DLGAP1: variants seen among roughly 807,000 people sequenced by gnomAD.
The protein encoded by DLGAP1 is disks large-associated protein 1.
DLGAP1 carries 11 observed loss-of-function variants against 90.8 expected under a neutral mutation model. The ratio of observed to expected loss-of-function variants is 0.12; its 90% confidence interval spans 0.08 to 0.20. The LOEUF (loss-of-function observed/expected upper bound fraction) is 0.20, where lower values mean the gene tolerates loss of function less well. Ranked by LOEUF, DLGAP1 falls within the 10% of genes least tolerant of loss-of-function variation. DLGAP1 has a pLI of 1.00. For synonymous variants in DLGAP1, 558 were observed against 540.7 expected, an observed-to-expected ratio of 1.03 and a Z score of -0.44; for missense variants, 1,050 against 1,333.8, an observed-to-expected ratio of 0.79 and a Z score of 3.31.
At chr18:4,058,766 C>A (rs942153485) in intron 2 of DLGAP1, among the ~76,000 whole-genome samples, 1 of 152,180 alleles carries the variant, frequency 6.6e-6, no homozygotes, top group Non-Finnish European at 1.5e-5. Flanking sequence ...TTTCAATATG[C>A]CTTGAGACCT....
chr18:3,604,651 G>C (rs951334349), intron 7 of DLGAP1, among the ~76,000 whole-genome samples: 3 of 152,030 alleles, frequency 2.0e-5, no homozygotes, highest in Non-Finnish European at 4.4e-5. Context: ...AATCCCTGTG[G>C]AGTCATTCCA....
intron 2 of DLGAP1, among the ~76,000 whole-genome samples, chr18:4,078,560 C>T (rs12967692): frequency 0.59 from 89,045 of 151,978 alleles, 26,845 homozygotes; most frequent in Non-Finnish European, 0.66. Context: ...ACACATCAGA[C>T]AAAATTAAAT....
intron 1 of DLGAP1, among the ~76,000 whole-genome samples, chr18:4,218,024 T>G (rs1419838188): frequency 1.3e-5 from 2 of 152,060 alleles, no homozygotes; most frequent in Non-Finnish European, 2.9e-5. Flanking sequence ...TTATGTTATC[T>G]TCTAGAAGTT....
In DLGAP1 at chr18:3,976,220, ACG is replaced by A. The variant is rs1376585956; in HGVS notation, c.-73+28894_-73+28895del. Among the ~76,000 whole-genome samples, 346 of 71,474 alleles carry A rather than the reference ACG, an allele frequency of 4.8e-3. 3 individuals are homozygous for A. Among genetic ancestry groups the A allele is most frequent in the Middle Eastern group, 0.016 (2 of 128 alleles). The allele number at this position is 71,474 out of a possible 152,430, so 46.9% of individuals were successfully genotyped here. A position where few individuals can be genotyped will look rare whatever the true frequency, so the allele number is the denominator to read the frequency against. ...AATAATAATAATAATAATAATAATA[ACG>A]ATAATTAGCCAGGTGTGGTGGTGCA... is the stretch of plus-strand genomic sequence containing the variant. On this transcript the variant is annotated intron_variant, in intron 3 of 12. Coordinates refer to ENST00000315677, the MANE Select transcript of DLGAP1 (RefSeq NM_004746.4).
chr18:3,694,039 C>CT (rs201011100), intron 7 of DLGAP1, among the ~76,000 whole-genome samples: 19,060 of 147,644 alleles, frequency 0.13, 1,321 homozygotes, highest in Non-Finnish European at 0.15. Flanking sequence ...TAGCCACCCC[C>CT]CCCTCAGCCC....
At chr18:4,149,069 C>G (rs114828238) in intron 2 of DLGAP1, among the ~76,000 whole-genome samples, 1 of 152,066 alleles carries the variant, frequency 6.6e-6, no homozygotes, top group Non-Finnish European at 1.5e-5. Flanking sequence ...ATAGGAAAGA[C>G]AAAAATTAAA....
intron 1 of DLGAP1, among the ~76,000 whole-genome samples, chr18:4,238,079 A>G (rs1272016868): frequency 6.6e-6 from 1 of 152,142 alleles, no homozygotes; most frequent in Non-Finnish European, 1.5e-5. Context: ...TTGGTGCCCA[A>G]AATGTTTTGG....
In DLGAP1 at chr18:3,623,441, G is replaced by A. The variant is rs1018788137; in HGVS notation, c.1592-41193C>T. Among the ~76,000 whole-genome samples the A allele has an allele frequency of 5.3e-5, 8 of 152,258 alleles. No homozygotes were observed. In the East Asian group the frequency reaches 9.6e-4, roughly 18 times the overall value. On this transcript the variant is annotated intron_variant, in intron 7 of 12. Transcript: ENST00000315677. ...TTCACCTACACAAGGGATTCAGTCC[G>A]TCTTAGGTTCTGCTAATGACAACTC...
intron 4 of DLGAP1, among the ~76,000 whole-genome samples, chr18:3,873,923 A>G (rs2070904729): frequency 6.6e-6 from 1 of 152,200 alleles, no homozygotes; most frequent in Non-Finnish European, 1.5e-5. Context: ...TCAATTAAAG[A>G]TTTTATAAAG....
intron 9 of DLGAP1, among the ~76,000 whole-genome samples, chr18:3,535,311 A>C (rs2052292017): frequency 1.3e-5 from 2 of 152,210 alleles, no homozygotes; most frequent in South Asian, 4.1e-4. Context: ...TGAAGTGTCC[A>C]ACTTCCTCCC....
rs112943609 is a variant in DLGAP1 at position 4,179,578 on chromosome 18, A to T, written c.-266-28291T>A. The stretch of plus-strand genomic sequence containing the variant: ...TTCTATGAGATGAGGAAACTGAGAC[A>T]CAGAGTAACTTATTCAAGGTCACAC... On this transcript the variant is annotated intron_variant, in intron 1 of 12. Coordinates refer to ENST00000315677, the MANE Select transcript of DLGAP1 (RefSeq NM_004746.4). Among the ~76,000 whole-genome samples the T allele has an allele frequency of 3.3e-3, 510 of 152,316 alleles. 2 individuals carry two copies. Among genetic ancestry groups the T allele is most frequent in the African/African-American group, 0.012 (494 of 41,588 alleles).
At chr18:4,308,341 C>T (rs761236856) in intron 1 of DLGAP1, among the ~76,000 whole-genome samples, 45 of 152,106 alleles carry the variant, frequency 3.0e-4, no homozygotes, top group Non-Finnish European at 5.7e-4. Flanking sequence ...TTATTTTGAG[C>T]TACATAAAAA....
chr18:3,650,363 G>A (rs1208511160), intron 7 of DLGAP1, among the ~76,000 whole-genome samples: 2 of 152,066 alleles, frequency 1.3e-5, no homozygotes, highest in African/African-American at 2.4e-5. Flanking sequence ...ATATTTCATA[G>A]GAATATTTTG....
intron 1 of DLGAP1, among the ~76,000 whole-genome samples, chr18:4,210,261 T>C (rs2077814259): frequency 6.6e-6 from 1 of 152,184 alleles, no homozygotes; most frequent in Admixed American, 6.5e-5. Flanking sequence ...AAGAGTATGG[T>C]CATTAAAAGG....
At position 4,241,625 on chromosome 18, in the gene DLGAP1, C is replaced by A. The variant is rs555119136; in HGVS notation, c.-266-90338G>T. 2.0e-5 allele frequency among the ~76,000 whole-genome samples: 3 copies of A among 152,330 alleles called. No homozygotes were observed. The South Asian group carries it at 6.2e-4, about 32-fold the overall frequency. On this transcript the variant is annotated intron_variant, in intron 1 of 12. Coordinates refer to ENST00000315677, the MANE Select transcript of DLGAP1 (RefSeq NM_004746.4). ...GGAGGAAAAGGAAATAATATACCAT[C>A]ATTCTGAAACAAATAGAAATGCAAA...
intron 2 of DLGAP1, chr18:4,013,878 G>A (rs1489453559): frequency 3.9e-5 from 6 of 152,078 alleles, no homozygotes; most frequent in African/African-American, 1.2e-4. Context: ...CAGTCATAAC[G>A]AACATATTTC....
chr18:4,032,085 G>T (rs1372443838), intron 2 of DLGAP1, among the ~76,000 whole-genome samples: 1 of 152,114 alleles, frequency 6.6e-6, no homozygotes, highest in African/African-American at 2.4e-5. Flanking sequence ...TTGGTCATGG[G>T]GCATGAGTGA....
chr18:3,728,546 G>A (rs2062283155), intron 7 of DLGAP1, among the ~76,000 whole-genome samples: 1 of 152,054 alleles, frequency 6.6e-6, no homozygotes, highest in African/African-American at 2.4e-5. Flanking sequence ...AAAAGGAGGT[G>A]CTATTTATAC....
chr18:4,407,448 A>G (rs1317598806), intron 1 of DLGAP1, among the ~76,000 whole-genome samples: 1 of 152,196 alleles, frequency 6.6e-6, no homozygotes, highest in Non-Finnish European at 1.5e-5. Flanking sequence ...ACTGATCCTC[A>G]TTACTGACTC....
Sources: gnomAD v4.1 joint callset for allele counts (sites outside exome capture counted in the v4.1 genomes callset) on GRCh38, gnomAD v4.1.1 for gene constraint, MANE v1.5 for transcripts, NCBI Gene and HGNC (gene_info 2026-07-23, HGNC 2026-07-21) for gene names.